Variants in IGSF21 observed in about 807,000 individuals in gnomAD.
IGSF21 encodes immunoglobulin superfamily member 21.
Under a neutral mutation model 46.8 loss-of-function variants are expected in IGSF21, and 28 were observed. The observed-to-expected ratio is 0.60, with a 90% CI of 0.44 to 0.82. The LOEUF (loss-of-function observed/expected upper bound fraction) is 0.82. IGSF21 is among the 40% of genes least tolerant of loss of function. The pLI is 0.00. For missense variants in IGSF21, 624 were observed against 665.5 expected, an observed-to-expected ratio of 0.94 and a Z score of 0.69; for synonymous variants, 284 against 273.6, an observed-to-expected ratio of 1.04 and a Z score of -0.38.
At chr1:18,260,238 C>T (rs543447838) in intron 2 of IGSF21, among the ~76,000 whole-genome samples, 3 of 152,184 alleles carry the variant, frequency 2.0e-5, no homozygotes, top group Admixed American at 6.5e-5. Context: ...CAATGTCTGT[C>T]GAGGGAAGGG....
intron 2 of IGSF21, among the ~76,000 whole-genome samples, chr1:18,291,115 G>C (rs916435148): frequency 6.6e-6 from 1 of 152,254 alleles, no homozygotes; most frequent in African/African-American, 2.4e-5. Flanking sequence ...TGGGGAAGCA[G>C]GCGGGCGGCA....
chr1:18,359,358 GAAA>G (rs2086061418), intron 4 of IGSF21, among the ~76,000 whole-genome samples: 1 of 65,530 alleles, frequency 1.5e-5, no homozygotes, highest in African/African-American at 5.5e-5. Context: ...AAGAAAGAAA[GAAA>G]GAAAGAAAGA....
At chr1:18,230,785 G>A (rs2084617537) in intron 2 of IGSF21, among the ~76,000 whole-genome samples, 1 of 151,988 alleles carries the variant, frequency 6.6e-6, no homozygotes, top group South Asian at 2.1e-4. Flanking sequence ...TCAAGGTCAG[G>A]GCAGGGCTTC....
intron 6 of IGSF21, among the ~76,000 whole-genome samples, chr1:18,371,979 T>C (rs1396230311): frequency 6.6e-6 from 1 of 152,232 alleles, no homozygotes; most frequent in African/African-American, 2.4e-5. Context: ...GTTTTAACTG[T>C]GATAAAATTT....
rs138407355 is a variant in IGSF21, at chr1:18,316,641, T to G, written c.306-18251T>G. 3.2e-3 allele frequency among the ~76,000 whole-genome samples: 481 copies of G among 151,804 alleles called. 2 individuals carry two copies. Among genetic ancestry groups the G allele is most frequent in the African/African-American group, 0.011 (451 of 41,522 alleles). ...CTCCCGGATAAGACCCTGATTTGATTTTACCTCTTGGATTGATAGTGAGAT... is the reference window on the plus strand; with the variant it reads ...CTCCCGGATAAGACCCTGATTTGATGTTACCTCTTGGATTGATAGTGAGAT... On this transcript the variant is annotated intron_variant, in intron 3 of 9. Coordinates refer to ENST00000251296, the MANE Select transcript of IGSF21 (RefSeq NM_032880.5).
intron 6 of IGSF21, among the ~76,000 whole-genome samples, chr1:18,373,825 C>T (rs938151848): frequency 6.6e-6 from 1 of 152,192 alleles, no homozygotes; most frequent in Non-Finnish European, 1.5e-5. Flanking sequence ...CAATGGGTTT[C>T]GTGATAACCT....
chr1:18,248,592 G>A (rs2084806179), intron 2 of IGSF21, among the ~76,000 whole-genome samples: 1 of 152,112 alleles, frequency 6.6e-6, no homozygotes. Context: ...CTTCATGCCT[G>A]CCGTGGTGCT....
chr1:18,183,569 T>A (rs2086876243), intron 1 of IGSF21, among the ~76,000 whole-genome samples: 1 of 152,188 alleles, frequency 6.6e-6, no homozygotes, highest in South Asian at 2.1e-4. Context: ...CATCATGAGA[T>A]ACGTAACAGC....
At chr1:18,234,193 T>C (rs1011759821) in intron 2 of IGSF21, among the ~76,000 whole-genome samples, 9 of 152,092 alleles carry the variant, frequency 5.9e-5, no homozygotes, top group African/African-American at 2.2e-4. Flanking sequence ...CTTACAGATA[T>C]AAGTCTGGAA....
intron 2 of IGSF21, among the ~76,000 whole-genome samples, chr1:18,235,333 A>G (rs934877812): frequency 2.6e-5 from 4 of 152,224 alleles, no homozygotes; most frequent in African/African-American, 7.2e-5. Context: ...TCAAGGAAGA[A>G]GACAAGATCC....
At chr1:18,112,947 T>A (rs960053100) in intron 1 of IGSF21, 5 of 152,260 alleles carry the variant, frequency 3.3e-5, no homozygotes, top group African/African-American at 1.2e-4. Context: ...CCATCCTCCC[T>A]CTCCACCTCC....
intron 2 of IGSF21, among the ~76,000 whole-genome samples, chr1:18,283,908 A>C (rs223191): frequency 0.32 from 49,095 of 152,080 alleles, 10,774 homozygotes; most frequent in African/African-American, 0.63. Context: ...CCTATAAAAA[A>C]AAATGTTGAA....
At chr1:18,176,617 C>A (rs536202729) in intron 1 of IGSF21, among the ~76,000 whole-genome samples, 1,586 of 152,272 alleles carry the variant, frequency 0.01, 30 homozygotes, top group African/African-American at 0.037. Flanking sequence ...GCCGTTTTCA[C>A]TAACTGGTAT....
intron 4 of IGSF21, among the ~76,000 whole-genome samples, chr1:18,356,506 AC>A: frequency 6.6e-6 from 1 of 152,288 alleles, no homozygotes; most frequent in African/African-American, 2.4e-5. Context: ...AGGTGGCCTC[AC>A]CTTACACTGC....
chr1:18,235,537 A>G (rs2084664713), intron 2 of IGSF21, among the ~76,000 whole-genome samples: 1 of 152,268 alleles, frequency 6.6e-6, no homozygotes, highest in Non-Finnish European at 1.5e-5. Context: ...GGAAGAAGGC[A>G]GAATAATCCA....
Position 18,121,091 on chromosome 1 carries a change from G to A in IGSF21, c.70+12893G>A, listed in dbSNP as rs12097440. Among the ~76,000 whole-genome samples, 1,096 of 152,222 alleles carry A rather than the reference G, an allele frequency of 7.2e-3. 20 individuals carry two copies. The highest frequency in any genetic ancestry group is 0.025 in the African/African-American group (1,034 of 41,522). On this transcript the variant is annotated intron_variant, in intron 1 of 9. Coordinates refer to ENST00000251296, the MANE Select transcript of IGSF21 (RefSeq NM_032880.5). ...CAGCCTGGTCCACATCAGTTATGAA[G>A]AGGCTCAAAGCTGTCTCCTTCCAAA...
At chr1:18,316,979 C>T (rs2085549338) in intron 3 of IGSF21, among the ~76,000 whole-genome samples, 1 of 152,200 alleles carries the variant, frequency 6.6e-6, no homozygotes, top group African/African-American at 2.4e-5. Context: ...ACCTCAAGGA[C>T]AGAGTCCACC....
chr1:18,260,250 C>T (rs775040466), intron 2 of IGSF21, among the ~76,000 whole-genome samples: 1 of 152,224 alleles, frequency 6.6e-6, no homozygotes, highest in Non-Finnish European at 1.5e-5. Context: ...AGGGAAGGGG[C>T]AGGTGGCTGG....
intron 4 of IGSF21, among the ~76,000 whole-genome samples, chr1:18,348,694 A>T (rs2085920813): frequency 6.6e-6 from 1 of 152,206 alleles, no homozygotes; most frequent in African/African-American, 2.4e-5. Flanking sequence ...TGAGGAGGCT[A>T]TAGCTGCCTC....
Sources: allele counts gnomAD v4.1 joint callset (sites outside exome capture counted in the v4.1 genomes callset), GRCh38; gene constraint gnomAD v4.1.1; transcripts MANE v1.5; gene names NCBI Gene and HGNC (gene_info 2026-07-23, HGNC 2026-07-21).